The following RNF115 variants were observed in gnomAD, a reference collection of about 807,000 sequenced individuals.
RNF115 encodes ring finger protein 115.
Under a neutral mutation model 39.2 loss-of-function variants are expected in RNF115, and 31 were observed. That is an observed-to-expected ratio of 0.79 (90% CI 0.59 to 1.07). RNF115 has a LOEUF of 1.07. Ranked by LOEUF, RNF115 falls within the 50% of genes least tolerant of loss-of-function variation. The pLI is 0.00. For synonymous variants in RNF115, 124 were observed against 131.0 expected (o/e 0.95, Z 0.37); for missense variants, 384 against 381.7 (o/e 1.01, Z -0.05).
At chr1:145,777,391 A>G (rs1355839825) in intron 3 of RNF115, among the ~76,000 whole-genome samples, 1 of 152,194 alleles carries the variant, frequency 6.6e-6, no homozygotes, top group Non-Finnish European at 1.5e-5. Flanking sequence ...CTTCAACATC[A>G]GCATGAGGCA....
chr1:145,785,157 TAA>T (rs68106395), intron 2 of RNF115, among the ~76,000 whole-genome samples: 11,458 of 152,126 alleles, frequency 0.075, 720 homozygotes, highest in East Asian at 0.31. Context: ...ACCAACCAAA[TAA>T]GACTCTTCCA....
In RNF115 at chr1:145,780,618, T is replaced by TA. The variant is rs1205816224; in HGVS notation, c.219+3920dup. On this transcript the variant is annotated intron_variant, in intron 3 of 8. Coordinates refer to ENST00000582693, the MANE Select transcript of RNF115 (RefSeq NM_014455.4). ...CTGGGCAACAGAGTGAGACTCCGTC[T>TA]AAAAAAAAAAAAAAAAAAAAAAAAG... Among the ~76,000 whole-genome samples the TA allele has an allele frequency of 9.0e-3, 574 of 63,758 alleles. 6 individuals carry two copies. Among genetic ancestry groups the TA allele is most frequent in the South Asian group, 0.015 (34 of 2,262 alleles). 41.8% of individuals were successfully genotyped at this position (63,758 alleles called of 152,430 possible). A position where few individuals can be genotyped will look rare whatever the true frequency, so the allele number is the denominator to read the frequency against.
intron 2 of RNF115, among the ~76,000 whole-genome samples, chr1:145,785,240 C>T (rs1184951631): frequency 2.0e-5 from 3 of 152,130 alleles, no homozygotes; most frequent in Non-Finnish European, 4.4e-5. Flanking sequence ...TTGCCACATC[C>T]ATTTCAACCC....
At chr1:145,795,311 T>C (rs587711114) in intron 1 of RNF115, among the ~76,000 whole-genome samples, 1 of 152,234 alleles carries the variant, frequency 6.6e-6, no homozygotes, top group South Asian at 2.1e-4. Context: ...CAGCAAGTTT[T>C]ACTGAGAAGA....
At chr1:145,813,289 C>A (rs1333196113) in intron 1 of RNF115, among the ~76,000 whole-genome samples, 2 of 151,154 alleles carry the variant, frequency 1.3e-5, no homozygotes, top group African/African-American at 2.4e-5. Flanking sequence ...CTCCAATATA[C>A]CCTCTCAACC....
chr1:145,804,978 A>G (rs1649403243), intron 1 of RNF115, among the ~76,000 whole-genome samples: 1 of 152,126 alleles, frequency 6.6e-6, no homozygotes, highest in Admixed American at 6.5e-5. Context: ...AAGCAGTTCA[A>G]TTTTCAAATT....
chr1:145,792,601 C>T (rs1181816987), intron 1 of RNF115, among the ~76,000 whole-genome samples: 2 of 152,082 alleles, frequency 1.3e-5, no homozygotes, highest in Non-Finnish European at 2.9e-5. Context: ...AACCAATGAA[C>T]ACTAGAAACA....
At chr1:145,751,365 G>T in intron 6 of RNF115, 73 bp downstream of exon 6, 2 of 1,058,874 alleles carry the variant, frequency 1.9e-6, no homozygotes, top group Non-Finnish European at 2.8e-6. Context: ...TCAGAAAGTA[G>T]CAGAAGGAAA....
rs1435487616 is a variant in RNF115 at position 145,740,438 on chromosome 1, T to C, written c.*6428A>G. The C allele has an allele frequency of 6.6e-6, 1 of 152,282 alleles. No homozygotes were observed. Among genetic ancestry groups the C allele is most frequent in the Admixed American group, 6.5e-5 (1 of 15,288 alleles). 9.4% of individuals were successfully genotyped at this position (152,282 alleles called of 1,614,324 possible). On this transcript the variant is annotated 3_prime_UTR_variant, in exon 9 of 9. Coordinates refer to ENST00000582693, the MANE Select transcript of RNF115 (RefSeq NM_014455.4). Reference sequence around the variant, plus strand: ...TCTTGCTTCTAAAGAGTTTATTTACTCTGCTTATCTCGAGACTTGGTTAAA... The same window carrying C: ...TCTTGCTTCTAAAGAGTTTATTTACCCTGCTTATCTCGAGACTTGGTTAAA...
chr1:145,816,073 T>TG (rs1273884585), intron 1 of RNF115, among the ~76,000 whole-genome samples: 1 of 43,356 alleles, frequency 2.3e-5, no homozygotes, highest in Non-Finnish European at 3.7e-5. Context: ...TTGAATGGTT[T>TG]TTTTTTTTTT....
At position 145,752,585 on chromosome 1, in the gene RNF115, C is replaced by CTTTTTTTTTTTT. The variant is rs60257682; in HGVS notation, c.500+381_500+392dup. Reference sequence around the variant, plus strand: ...CATCTACATACTCACCTATGCAGCTCTTTTTTTTTTTTTTTTTTTTTGAGA... The same window carrying CTTTTTTTTTTTT: ...CATCTACATACTCACCTATGCAGCTCTTTTTTTTTTTTTTTTTTTTTTTTTTTTTTTTTGAGA... On this transcript the variant is annotated intron_variant, in intron 5 of 8. Coordinates refer to ENST00000582693, the MANE Select transcript of RNF115 (RefSeq NM_014455.4). Among the ~76,000 whole-genome samples, 618 of 83,742 alleles carry CTTTTTTTTTTTT rather than the reference C, an allele frequency of 7.4e-3. 137 individuals are homozygous for CTTTTTTTTTTTT. The highest frequency in any genetic ancestry group is 0.034 in the African/African-American group (584 of 17,406). 54.9% of individuals were successfully genotyped at this position (83,742 alleles called of 152,430 possible).
At chr1:145,766,188 C>T (rs1050671524) in intron 4 of RNF115, among the ~76,000 whole-genome samples, 10 of 152,162 alleles carry the variant, frequency 6.6e-5, no homozygotes, top group East Asian at 3.9e-4. Context: ...TAGGGAGTGG[C>T]GATGACTCTT....
At chr1:145,776,177 T>TTC (rs1228770343) in intron 3 of RNF115, among the ~76,000 whole-genome samples, 3 of 149,096 alleles carry the variant, frequency 2.0e-5, no homozygotes, top group African/African-American at 7.5e-5. Flanking sequence ...TTTTTTTTTT[T>TTC]TTTTTGAGAA....
Position 145,823,845 on chromosome 1 carries a change from T to C in RNF115, c.29A>G (p.Asp10Gly). Reference sequence around the variant, plus strand: ...GTGGGCGGCTACAGCGGCGCCCGAGTCCGCCCCGGCCGCCGAAGCCTCCGC... The same window carrying C: ...GTGGGCGGCTACAGCGGCGCCCGAGCCCGCCCCGGCCGCCGAAGCCTCCGC... MAEASAAGA[D>G]SGAAVAAHRF... Residue 10 changes from aspartate (D) to glycine (G), a missense_variant, in exon 1 of 9, where the codon GAC (aspartate) becomes GGC (glycine). Coordinates refer to ENST00000582693, the MANE Select transcript of RNF115 (RefSeq NM_014455.4). 1 of 1,569,996 alleles carries C rather than the reference T, an allele frequency of 6.4e-7. No homozygotes were observed. The highest frequency in any genetic ancestry group is 8.6e-7 in the Non-Finnish European group (1 of 1,162,424).
Position 145,823,881 on chromosome 1 carries a change from C to A in RNF115, c.-8G>T. On this transcript the variant is annotated 5_prime_UTR_variant, in exon 1 of 9. In the 5' UTR this introduces an upstream ATG that the reference lacks. Coordinates refer to ENST00000582693, the MANE Select transcript of RNF115 (RefSeq NM_014455.4). ...CGCCGAAGCCTCCGCCATTTTTGCC[C>A]TCCGCCGCGGCCGTCCGAGAGGGCA... 6.6e-7 allele frequency: 1 copy of A among 1,526,582 alleles called. No individual in the cohort carries two copies. The allele number at this position is 1,526,582 out of a possible 1,614,324, so 94.6% of individuals were successfully genotyped here.
chr1:145,750,554 G>A (rs1658041205), intron 6 of RNF115, 54 bp from the exon 7 acceptor site: 3 of 1,350,374 alleles, frequency 2.2e-6, no homozygotes, highest in Non-Finnish European at 3.2e-6. Context: ...AATATCCCTG[G>A]AGAGGGAACT....
chr1:145,772,715 G>C, intron 3 of RNF115: 1 of 152,268 alleles, frequency 6.6e-6, no homozygotes, highest in Middle Eastern at 3.4e-3. Context: ...GGATGTCTTT[G>C]AGTTTATCCT....
chr1:145,748,015 T>C lies in RNF115; in HGVS notation c.763A>G (p.Ile255Val). ...CTCACCAGTTCTAGCCACGGCACAA[T>C]ACAACTGCTGTGAAAGAAGTGATTG... Reference protein sequence around the residue: ...PCNHFFHSSCIVPWLELHDTC... With the variant: ...PCNHFFHSSCVVPWLELHDTC... Residue 255 changes from isoleucine to valine, a missense_variant, in exon 8 of 9, where the codon ATT becomes GTT. Coordinates refer to ENST00000582693, the MANE Select transcript of RNF115 (RefSeq NM_014455.4). 2 of 1,613,184 alleles carry C rather than the reference T, an allele frequency of 1.2e-6. No homozygotes were observed. Among genetic ancestry groups the C allele is most frequent in the South Asian group, 1.1e-5 (1 of 91,070 alleles).
intron 4 of RNF115, among the ~76,000 whole-genome samples, chr1:145,764,198 A>C (rs1658651853): frequency 6.6e-6 from 1 of 152,120 alleles, no homozygotes; most frequent in African/African-American, 2.4e-5. Flanking sequence ...TTGCAGACGG[A>C]GTCTTGTTCA....
Sources: allele counts gnomAD v4.1 joint callset (sites outside exome capture counted in the v4.1 genomes callset), GRCh38; gene constraint gnomAD v4.1.1; transcripts MANE v1.5; gene names NCBI Gene and HGNC (gene_info 2026-07-23, HGNC 2026-07-21).